FAM120A: variants seen among roughly 807,000 people sequenced by gnomAD.
The protein encoded by FAM120A is constitutive coactivator of PPAR-gamma-like protein 1.
Under a neutral mutation model 109.7 loss-of-function variants are expected in FAM120A, and 15 were observed. The observed-to-expected ratio is 0.14, with a 90% CI of 0.09 to 0.21. The LOEUF (loss-of-function observed/expected upper bound fraction) is 0.21. Ranked by LOEUF, FAM120A falls within the 10% of genes least tolerant of loss-of-function variation. The pLI is 1.00. For synonymous variants in FAM120A, 493 were observed against 572.8 expected (o/e 0.86, Z 1.99); for missense variants, 899 against 1,439.3 (o/e 0.62, Z 6.07).
At chr9:93,523,047 GTTGT>G (rs1352017976) in intron 7 of FAM120A, among the ~76,000 whole-genome samples, 1 of 152,206 alleles carries the variant, frequency 6.6e-6, no homozygotes, top group Non-Finnish European at 1.5e-5. Flanking sequence ...GGTTTGCTGA[GTTGT>G]TTGTGTATTA....
intron 15 of FAM120A, among the ~76,000 whole-genome samples, chr9:93,559,250 AG>A (rs1323731034): frequency 6.6e-6 from 1 of 152,210 alleles, no homozygotes; most frequent in Non-Finnish European, 1.5e-5. Context: ...AAAAGAGAAA[AG>A]GGTCTTAACA....
At chr9:93,519,335 A>G (rs1233636450) in intron 7 of FAM120A, among the ~76,000 whole-genome samples, 1 of 152,016 alleles carries the variant, frequency 6.6e-6, no homozygotes, top group East Asian at 1.9e-4. Flanking sequence ...TCTGCCTCCC[A>G]GGTTCAAGCG....
intron 5 of FAM120A, among the ~76,000 whole-genome samples, chr9:93,504,049 G>A (rs1042076114): frequency 2.0e-5 from 3 of 152,128 alleles, no homozygotes; most frequent in South Asian, 2.1e-4. Flanking sequence ...ATCAATCTAC[G>A]ATTAAAATGG....
intron 7 of FAM120A, chr9:93,523,309 TTG>T: frequency 7.8e-7 from 1 of 1,289,248 alleles, no homozygotes; most frequent in South Asian, 1.2e-5. Context: ...CAAAAAAACT[TTG>T]TGTTTCACAA....
intron 11 of FAM120A, among the ~76,000 whole-genome samples, chr9:93,548,301 G>A (rs947893166): frequency 3.9e-5 from 6 of 151,984 alleles, no homozygotes; most frequent in Non-Finnish European, 8.8e-5. Context: ...TAGTAGAGAC[G>A]GGGTTTCACC....
chr9:93,496,962 T>A (rs893650585), intron 3 of FAM120A, among the ~76,000 whole-genome samples: 3 of 152,252 alleles, frequency 2.0e-5, no homozygotes, highest in African/African-American at 7.2e-5. Context: ...GAAGTTGGCC[T>A]TTGAAGGTGG....
At chr9:93,527,614 ATTTTTTTT>A (rs67894788) in intron 8 of FAM120A, among the ~76,000 whole-genome samples, 7 of 80,638 alleles carry the variant, frequency 8.7e-5, no homozygotes, top group Admixed American at 1.8e-4. Context: ...TTTGTATTTA[ATTTTTTTT>A]TTTTTTTTTT....
chr9:93,486,087 C>T (rs1264658445), intron 3 of FAM120A, among the ~76,000 whole-genome samples: 7 of 152,178 alleles, frequency 4.6e-5, no homozygotes, highest in African/African-American at 1.7e-4. Flanking sequence ...ATCCTCCTGC[C>T]TCAGCCTCCT....
At chr9:93,470,121 T>C (rs1858242864) in intron 1 of FAM120A, among the ~76,000 whole-genome samples, 1 of 152,228 alleles carries the variant, frequency 6.6e-6, no homozygotes, top group Non-Finnish European at 1.5e-5. Context: ...GTGGCACACA[T>C]TTTTCTCCTC....
At chr9:93,480,881 T>C (rs1254940575) in intron 3 of FAM120A, among the ~76,000 whole-genome samples, 2 of 152,214 alleles carry the variant, frequency 1.3e-5, no homozygotes, top group Non-Finnish European at 2.9e-5. Context: ...TTTGTGTTGC[T>C]CTGGGCCGCT....
chr9:93,501,758 G>C (rs890066126), intron 5 of FAM120A, among the ~76,000 whole-genome samples: 1 of 152,156 alleles, frequency 6.6e-6, no homozygotes, highest in African/African-American at 2.4e-5. Flanking sequence ...GGCAAGATTG[G>C]GAAGGACGTT....
chr9:93,564,757 G>A lies in FAM120A; in HGVS notation c.*217G>A, dbSNP rs1862582891. The A allele has an allele frequency of 4.3e-6, 2 of 461,066 alleles. No homozygotes were observed. The highest frequency in any genetic ancestry group is 7.6e-6 in the Non-Finnish European group (2 of 263,184). The allele number at this position is 461,066 out of a possible 1,614,324, so 28.6% of individuals were successfully genotyped here. A position where few individuals can be genotyped will look rare whatever the true frequency, so the allele number is the denominator to read the frequency against. On this transcript the variant is annotated 3_prime_UTR_variant, in exon 18 of 18. Transcript: ENST00000277165. ...AAATGCTACAATAAAACAAAAAAGA[G>A]AAAGAAAATGAAGAGCATTTGACTC... is the stretch of plus-strand genomic sequence containing the variant.
At chr9:93,474,364 C>T (rs1184247955) in intron 2 of FAM120A, among the ~76,000 whole-genome samples, 4 of 151,322 alleles carry the variant, frequency 2.6e-5, no homozygotes, top group African/African-American at 7.3e-5. Context: ...ATTTTCACCA[C>T]GTTGGCCAGG....
Position 93,558,566 on chromosome 9 carries a change from C to A in FAM120A, c.2669-15C>A. ...CTTACACTTCTCCCCTCTCTCTCTA[C>A]CCCGGGTCCCACAGGCGTCTGTGGC... On this transcript the variant is annotated splice_polypyrimidine_tract_variant and intron_variant, in intron 14 of 17. Transcript: ENST00000277165. 3 of 1,613,796 alleles carry A rather than the reference C, an allele frequency of 1.9e-6. No homozygotes were observed. Among genetic ancestry groups the A allele is most frequent in the Non-Finnish European group, 2.5e-6 (3 of 1,179,888 alleles).
intron 1 of FAM120A, among the ~76,000 whole-genome samples, chr9:93,454,238 T>C (rs1857444705): frequency 6.6e-6 from 1 of 152,226 alleles, no homozygotes; most frequent in African/African-American, 2.4e-5. Flanking sequence ...TTTTAATTAT[T>C]GACCTAGGGT....
intron 1 of FAM120A, among the ~76,000 whole-genome samples, chr9:93,470,376 C>G (rs1369680332): frequency 1.3e-5 from 2 of 152,154 alleles, no homozygotes; most frequent in African/African-American, 4.8e-5. Flanking sequence ...AGGACTTTGA[C>G]TTCTCAAAGG....
Position 93,498,696 on chromosome 9 carries a change from A to G in FAM120A, c.934-94A>G. The G allele has an allele frequency of 1.3e-6, 1 of 785,854 alleles. No individual in the cohort carries two copies. The highest frequency in any genetic ancestry group is 2.2e-6 in the Non-Finnish European group (1 of 447,240). 48.7% of individuals were successfully genotyped at this position (785,854 alleles called of 1,614,324 possible). ...ATTCTTCTCTAACTTGAAAAGCTGT[A>G]GAATATTATACATGTGCTGAATTAT... On this transcript the variant is annotated intron_variant, in intron 4 of 17. Transcript: ENST00000277165. The surrounding 1 kb of genome is among the most constrained non-coding windows in gnomAD (Gnocchi z 4.4).
At chr9:93,534,009 G>C (rs1861428117) in intron 10 of FAM120A, among the ~76,000 whole-genome samples, 1 of 152,176 alleles carries the variant, frequency 6.6e-6, no homozygotes, top group African/African-American at 2.4e-5. Flanking sequence ...TACCCCTCCA[G>C]TGTTGGGCCA....
chr9:93,537,032 G>T (rs1209646663), intron 10 of FAM120A, among the ~76,000 whole-genome samples: 1 of 152,218 alleles, frequency 6.6e-6, no homozygotes, highest in Non-Finnish European at 1.5e-5. Context: ...CTGGTAGGGA[G>T]GGTGGAACCC....
Sources: gnomAD v4.1 joint callset for allele counts (sites outside exome capture counted in the v4.1 genomes callset) on GRCh38, gnomAD v4.1.1 for gene constraint, Gnocchi (gnomAD v3.1) non-coding constraint, MANE v1.5 for transcripts, NCBI Gene and HGNC (gene_info 2026-07-23, HGNC 2026-07-21) for gene names.